Variants in BAZ2B observed in about 807,000 individuals in gnomAD.
The protein encoded by BAZ2B is bromodomain adjacent to zinc finger domain protein 2B.
In BAZ2B, 91 loss-of-function variants were observed where a neutral mutation model predicts 246.0. The observed-to-expected ratio is 0.37, with a 90% CI of 0.31 to 0.44. The LOEUF is 0.44. Ranked by LOEUF, BAZ2B falls within the 20% of genes least tolerant of loss-of-function variation. The pLI is 1.00. For missense variants in BAZ2B, 2,332 were observed against 2,533.7 expected, an observed-to-expected ratio of 0.92 and a Z score of 1.71; for synonymous variants, 855 against 860.0, an observed-to-expected ratio of 0.99 and a Z score of 0.10.
chr2:159,563,461 T>C (rs931601882), intron 1 of BAZ2B, among the ~76,000 whole-genome samples: 3 of 152,206 alleles, frequency 2.0e-5, no homozygotes, highest in Admixed American at 6.5e-5. Context: ...AAGGCATACA[T>C]ACAATTAATT....
intron 1 of BAZ2B, among the ~76,000 whole-genome samples, chr2:159,610,380 G>A (rs1030645780): frequency 5.3e-5 from 8 of 152,166 alleles, no homozygotes; most frequent in Non-Finnish European, 8.8e-5. Context: ...AGCGAGTTAA[G>A]AGCTTCAGTA....
At chr2:159,620,854 G>T (rs1402012565), upstream of BAZ2B, among the ~76,000 whole-genome samples, 1 of 152,190 alleles carries the variant, frequency 6.6e-6, no homozygotes, top group Non-Finnish European at 1.5e-5. Context: ...GCCAACAAAG[G>T]CTAGCAAAGG....
the BAZ2B span, among the ~76,000 whole-genome samples, chr2:159,641,112 T>C: frequency 1.3e-5 from 2 of 152,132 alleles, no homozygotes; most frequent in African/African-American, 2.4e-5. Context: ...TGCCAATACA[T>C]TGGAAAATCT....
At chr2:159,537,438 C>T (rs2086142731) in intron 2 of BAZ2B, among the ~76,000 whole-genome samples, 1 of 152,204 alleles carries the variant, frequency 6.6e-6, no homozygotes, top group Non-Finnish European at 1.5e-5. Flanking sequence ...TGTTACCTGT[C>T]TGTGTTAAGT....
Position 159,431,159 on chromosome 2 carries a change from G to A in BAZ2B, c.1901-3C>T, listed in dbSNP as rs562473000. The A allele has an allele frequency of 6.3e-7, 1 of 1,597,566 alleles. No individual in the cohort carries two copies. Among genetic ancestry groups the A allele is most frequent in the African/African-American group, 1.4e-5 (1 of 74,062 alleles). The stretch of plus-strand genomic sequence containing the variant: ...TGATTCTGAATTACTATCTGATTCT[G>A]GGAAGTAAAAGAAGCATTTGTATAT... On this transcript the variant is annotated splice_region_variant and splice_polypyrimidine_tract_variant and intron_variant, in intron 9 of 36. Transcript: ENST00000392783.
the BAZ2B span, among the ~76,000 whole-genome samples, chr2:159,682,767 C>T: frequency 2.0e-5 from 3 of 152,136 alleles, no homozygotes; most frequent in Non-Finnish European, 4.4e-5. Flanking sequence ...AGAACACCAG[C>T]TCAATTTCTC....
the BAZ2B span, among the ~76,000 whole-genome samples, chr2:159,673,938 G>A: frequency 1.1e-4 from 17 of 152,268 alleles, no homozygotes; most frequent in Admixed American, 2.6e-4. Flanking sequence ...GAGTGAAAGA[G>A]TAGAAGGGAC....
intron 2 of BAZ2B, among the ~76,000 whole-genome samples, chr2:159,502,677 A>G (rs901314790): frequency 6.6e-6 from 1 of 152,116 alleles, no homozygotes; most frequent in Admixed American, 6.5e-5. Context: ...TCAATGACAG[A>G]ATGCCATTTG....
rs2071379457 is a variant in BAZ2B at position 159,432,767 on chromosome 2, G to A, written c.1890C>T (p.Asp630=). ...EEDDEDDESD[D]SQSESDSNSE... Reference sequence around the variant, plus strand: ...TAAAATGAAAATAACCTGATTGGCTGTCATCAGATTCATCATCTTCATCAT... The same window carrying A: ...TAAAATGAAAATAACCTGATTGGCTATCATCAGATTCATCATCTTCATCAT... Residue 630 remains aspartate, a synonymous_variant, in exon 9 of 37, where the codon GAC becomes GAT. Transcript: ENST00000392783. 2.5e-6 allele frequency: 4 copies of A among 1,611,010 alleles called. No homozygotes were observed. Among genetic ancestry groups the A allele is most frequent in the Non-Finnish European group, 3.4e-6 (4 of 1,177,664 alleles).
chr2:159,461,741 G>A (rs1463468860), intron 3 of BAZ2B: 2 of 152,692 alleles, frequency 1.3e-5, no homozygotes, highest in Non-Finnish European at 2.9e-5. Context: ...GACAATGAGA[G>A]AAGGGATGAA....
intron 4 of BAZ2B, 29 bp downstream of exon 4, chr2:159,453,584 C>A (rs762530997): frequency 6.4e-7 from 1 of 1,553,868 alleles, no homozygotes; most frequent in Non-Finnish European, 8.7e-7. Flanking sequence ...TCCTCCTTCC[C>A]TTGAACACTG....
At chr2:159,417,521 T>C (rs1196800988) in intron 13 of BAZ2B, among the ~76,000 whole-genome samples, 1 of 152,122 alleles carries the variant, frequency 6.6e-6, no homozygotes, top group Non-Finnish European at 1.5e-5. Context: ...AGTTGCTAAT[T>C]TGTATTCTTA....
At chr2:159,543,123 T>C (rs927865172) in intron 2 of BAZ2B, among the ~76,000 whole-genome samples, 2 of 152,182 alleles carry the variant, frequency 1.3e-5, no homozygotes, top group African/African-American at 4.8e-5. Context: ...GCCTGGCACA[T>C]ATTAATCACT....
chr2:159,580,514 C>T (rs1012825244), intron 1 of BAZ2B, among the ~76,000 whole-genome samples: 13 of 152,138 alleles, frequency 8.5e-5, no homozygotes, highest in Non-Finnish European at 1.5e-4. Flanking sequence ...AGATTCAATA[C>T]CATCCCCATC....
chr2:159,349,091 T>C lies in BAZ2B; in HGVS notation c.5053A>G (p.Asn1685Asp). ...GGTTGAGCTGAAGTGGCCTTTTCAT[T>C]CTGTGGTACTGGAGATTCACTTTTA... Reference protein sequence around the residue: ...SSKSESPVPQNEKATSAQPAA... With the variant: ...SSKSESPVPQDEKATSAQPAA... Residue 1685 changes from asparagine to aspartate, a missense_variant, in exon 29 of 37, where the codon AAT (asparagine) becomes GAT (aspartate). Physicochemically the swap from Asn to Asp is conservative, Grantham distance 23 (BLOSUM62 1). Around this residue, in one of 9 missense-constraint regions of BAZ2B, gnomAD observed 676 missense variants for 668.6 expected, o/e 1.01. Transcript: ENST00000392783. The C allele has an allele frequency of 6.2e-7, 1 of 1,614,118 alleles. No homozygotes were observed.
At chr2:159,502,693 A>C (rs62173243) in intron 2 of BAZ2B, among the ~76,000 whole-genome samples, 2 of 151,856 alleles carry the variant, frequency 1.3e-5, no homozygotes, top group Non-Finnish European at 2.9e-5. Context: ...ATTTGACTTA[A>C]TGAATTCTCT....
In BAZ2B at chr2:159,588,199, A is replaced by C. The variant is rs1013971384; in HGVS notation, c.-46+28043T>G. ...CACTGCACTTCAGCCTGGGTGACAG[A>C]CCAAGACCCTGCATCAAAAAAAAAA... On this transcript the variant is annotated intron_variant, in intron 1 of 36. Transcript: ENST00000392783. Among the ~76,000 whole-genome samples, 3 of 139,306 alleles carry C rather than the reference A, an allele frequency of 2.2e-5. No homozygotes were observed. The Admixed American group carries it at 2.2e-4, about 10-fold the overall frequency. 91.4% of individuals were successfully genotyped at this position (139,306 alleles called of 152,430 possible). A position where few individuals can be genotyped will look rare whatever the true frequency, so the allele number is the denominator to read the frequency against.
chr2:159,603,311 T>C (rs1256685768), intron 1 of BAZ2B, among the ~76,000 whole-genome samples: 2 of 152,154 alleles, frequency 1.3e-5, no homozygotes, highest in Non-Finnish European at 2.9e-5. Context: ...TAAAAATACA[T>C]ACATTTTAAA....
At chr2:159,334,428 C>G (rs1329817566) in intron 33 of BAZ2B, among the ~76,000 whole-genome samples, 1 of 152,148 alleles carries the variant, frequency 6.6e-6, no homozygotes, top group African/African-American at 2.4e-5. Context: ...ACAACTCCCT[C>G]TTTTTCTTGA....
Sources: allele counts gnomAD v4.1 joint callset (sites outside exome capture counted in the v4.1 genomes callset), GRCh38; gene constraint gnomAD v4.1.1; regional missense constraint gnomAD v4.1.1; transcripts MANE v1.5; gene names NCBI Gene and HGNC (gene_info 2026-07-23, HGNC 2026-07-21).